The following CSMD1 variants were observed in gnomAD, a reference collection of about 807,000 sequenced individuals.
The protein encoded by CSMD1 is CUB and sushi domain-containing protein 1.
CSMD1 carries 213 observed loss-of-function variants against 417.5 expected under a neutral mutation model. The observed-to-expected ratio is 0.51, with a 90% CI of 0.46 to 0.57. The LOEUF (loss-of-function observed/expected upper bound fraction) is 0.57, where lower values mean the gene tolerates loss of function less well. Ranked by LOEUF, CSMD1 falls within the 20% of genes least tolerant of loss-of-function variation. The pLI is 0.00. For missense variants in CSMD1, 6,923 were observed against 4,529.7 expected, an observed-to-expected ratio of 1.53 and a Z score of -15.17; for synonymous variants, 2,862 against 1,736.8, an observed-to-expected ratio of 1.65 and a Z score of -16.11.
chr8:4,178,354 G>C (rs1157510749), intron 3 of CSMD1, among the ~76,000 whole-genome samples: 3 of 150,970 alleles, frequency 2.0e-5, no homozygotes, highest in East Asian at 3.9e-4. Context: ...AATAGATGCA[G>C]AAAAGGCCTT....
At chr8:4,894,033 T>C (rs1804311076) in intron 1 of CSMD1, among the ~76,000 whole-genome samples, 1 of 138,054 alleles carries the variant, frequency 7.2e-6, no homozygotes, top group East Asian at 2.0e-4. Flanking sequence ...TTCTCTTTGA[T>C]TTATTTTGTT....
At position 4,297,095 on chromosome 8, in the gene CSMD1, C is replaced by T. The variant is rs78963703; in HGVS notation, c.415+122858G>A. Among the ~76,000 whole-genome samples the T allele has an allele frequency of 2.6e-5, 4 of 152,134 alleles. No homozygotes were observed. In the South Asian group the frequency reaches 8.3e-4, roughly 32 times the overall value. On this transcript the variant is annotated intron_variant, in intron 3 of 69. Transcript: ENST00000635120. ...ATAGGTTGAAGAGCTTGGGGAGACT[C>T]TAGAGCATCGTAGGTGTAATACGTT...
At chr8:3,972,385 C>A (rs754829347) in intron 5 of CSMD1, among the ~76,000 whole-genome samples, 1 of 152,080 alleles carries the variant, frequency 6.6e-6, no homozygotes, top group Admixed American at 6.6e-5. Flanking sequence ...TTTCTTTATA[C>A]AAACACAAGT....
At chr8:4,452,267 T>C (rs76054560) in intron 2 of CSMD1, among the ~76,000 whole-genome samples, 2 of 152,144 alleles carry the variant, frequency 1.3e-5, no homozygotes. Flanking sequence ...CTCCTCCTTG[T>C]CAAAGGAGGA....
intron 5 of CSMD1, among the ~76,000 whole-genome samples, chr8:3,849,536 T>G (rs1254794425): frequency 6.6e-6 from 1 of 152,288 alleles, no homozygotes; most frequent in South Asian, 2.1e-4. Flanking sequence ...AATGACGACT[T>G]CAGCAGAAAT....
intron 4 of CSMD1, among the ~76,000 whole-genome samples, chr8:4,004,434 T>A (rs1010670997): frequency 2.0e-5 from 3 of 149,350 alleles, no homozygotes; most frequent in Non-Finnish European, 3.0e-5. Flanking sequence ...TTTTTTTTTT[T>A]AAAGGAAAGG....
intron 2 of CSMD1, among the ~76,000 whole-genome samples, chr8:4,574,993 T>C (rs1359719837): frequency 2.0e-5 from 3 of 152,206 alleles, no homozygotes; most frequent in Non-Finnish European, 2.9e-5. Context: ...GGTTTTAATA[T>C]TGTGCTTCCT....
chr8:3,316,824 A>G (rs139795766), intron 23 of CSMD1, among the ~76,000 whole-genome samples: 240 of 152,298 alleles, frequency 1.6e-3, no homozygotes, highest in African/African-American at 5.4e-3. Flanking sequence ...AAGACTGCAC[A>G]GGAAACTGAC....
intron 5 of CSMD1, among the ~76,000 whole-genome samples, chr8:3,983,937 C>T (rs2130212850): frequency 1.3e-5 from 2 of 152,318 alleles, no homozygotes; most frequent in East Asian, 1.9e-4. Flanking sequence ...CTGTCAATTG[C>T]AACTCTAGAG....
At chr8:4,184,246 C>A (rs1394971022) in intron 3 of CSMD1, among the ~76,000 whole-genome samples, 1 of 152,166 alleles carries the variant, frequency 6.6e-6, no homozygotes, top group Admixed American at 6.5e-5. Flanking sequence ...ATTTATTTAG[C>A]ATTCAGCACA....
intron 57 of CSMD1, among the ~76,000 whole-genome samples, chr8:2,969,807 G>GGT (rs1228573662): frequency 6.6e-6 from 1 of 151,990 alleles, no homozygotes; most frequent in South Asian, 2.1e-4. Flanking sequence ...AATTTTTGCT[G>GGT]GTGTGTGTGT....
At chr8:3,105,843 T>A (rs770192197) in intron 46 of CSMD1, among the ~76,000 whole-genome samples, 11 of 152,236 alleles carry the variant, frequency 7.2e-5, no homozygotes, top group Non-Finnish European at 1.2e-4. Flanking sequence ...GATAGGCATG[T>A]GATAAAGGAA....
In CSMD1 at chr8:4,689,900, A is replaced by G. The variant is rs562618206; in HGVS notation, c.86-52342T>C. Among the ~76,000 whole-genome samples the G allele has an allele frequency of 3.9e-5, 6 of 152,268 alleles. No homozygotes were observed. The East Asian group carries it at 1.2e-3, about 29-fold the overall frequency. On this transcript the variant is annotated intron_variant, in intron 1 of 69. Coordinates refer to ENST00000635120, the MANE Select transcript of CSMD1 (RefSeq NM_033225.6). ...AAAACTACTATGGAGGTAAGAAGGA[A>G]AGCCTGTTTTAATACACAGCTACAA... is the stretch of plus-strand genomic sequence containing the variant.
At chr8:3,276,650 G>A (rs1038809353) in intron 26 of CSMD1, among the ~76,000 whole-genome samples, 11 of 151,994 alleles carry the variant, frequency 7.2e-5, no homozygotes, top group Admixed American at 2.0e-4. Context: ...CAGCCAAACC[G>A]TATCATTATT....
At chr8:3,302,664 C>T (rs1232353713) in intron 25 of CSMD1, among the ~76,000 whole-genome samples, 1 of 152,172 alleles carries the variant, frequency 6.6e-6, no homozygotes, top group African/African-American at 2.4e-5. Context: ...TGTGAGCAGT[C>T]ACCAGCAGAT....
intron 54 of CSMD1, among the ~76,000 whole-genome samples, chr8:2,988,370 T>A (rs1248607750): frequency 2.0e-5 from 3 of 152,218 alleles, no homozygotes; most frequent in Admixed American, 6.5e-5. Flanking sequence ...AAAAACAATA[T>A]CTTAATGTTT....
rs945658844 is a variant in CSMD1 at position 3,399,620 on chromosome 8, T to C, written c.2267-91A>G. 4 of 960,194 alleles carry C rather than the reference T, an allele frequency of 4.2e-6. No homozygotes were observed. The South Asian group carries it at 6.7e-5, about 16-fold the overall frequency. 59.5% of individuals were successfully genotyped at this position (960,194 alleles called of 1,614,324 possible). On this transcript the variant is annotated intron_variant, in intron 15 of 69. Coordinates refer to ENST00000635120, the MANE Select transcript of CSMD1 (RefSeq NM_033225.6). ...GGATAAAAGCCAGAATCTGCTTCTG[T>C]GTTCATAGACTGAATATTTTCAAGT...
intron 3 of CSMD1, among the ~76,000 whole-genome samples, chr8:4,096,719 T>C (rs775354602): frequency 2.0e-5 from 3 of 152,208 alleles, no homozygotes; most frequent in Non-Finnish European, 4.4e-5. Context: ...CCATAGGTAA[T>C]CATCTGAGAA....
chr8:3,849,102 G>A (rs757785475), intron 5 of CSMD1, among the ~76,000 whole-genome samples: 3 of 151,956 alleles, frequency 2.0e-5, no homozygotes, highest in African/African-American at 7.3e-5. Context: ...GGATACTTTT[G>A]TAACAGAAAG....
Sources: gnomAD v4.1 joint callset for allele counts (sites outside exome capture counted in the v4.1 genomes callset) on GRCh38, gnomAD v4.1.1 for gene constraint, MANE v1.5 for transcripts, NCBI Gene and HGNC (gene_info 2026-07-23, HGNC 2026-07-21) for gene names.